The following GPT2 variants were observed in gnomAD, a reference collection of about 807,000 sequenced individuals.
GPT2 encodes alanine aminotransferase 2.
Under a neutral mutation model 56.9 loss-of-function variants are expected in GPT2, and 30 were observed. The ratio of observed to expected loss-of-function variants is 0.53; its 90% CI spans 0.39 to 0.72. The LOEUF (loss-of-function observed/expected upper bound fraction) is 0.72. GPT2 is among the 30% of genes least tolerant of loss of function. The pLI is 0.00. For missense variants in GPT2, 542 were observed against 703.4 expected, an observed-to-expected ratio of 0.77 and a Z score of 2.60; for synonymous variants, 271 against 283.1, an observed-to-expected ratio of 0.96 and a Z score of 0.43.
chr16:46,898,978 ATAT>A (rs1960753221), intron 3 of GPT2, among the ~76,000 whole-genome samples: 1 of 6,810 alleles, frequency 1.5e-4, no homozygotes, highest in South Asian at 0.1. Context: ...ACACACACAT[ATAT>A]ATATATATAT....
chr16:46,884,608 A>G, intron 1 of GPT2, 86 bp from the exon 2 acceptor site: 1 of 1,265,350 alleles, frequency 7.9e-7, no homozygotes, highest in South Asian at 3.2e-5. Context: ...GCTCGCTGAA[A>G]GAGCCCTTGG....
rs1253570994 is a variant in GPT2, at chr16:46,929,011, C to T, written c.*14C>T. 1 of 1,604,958 alleles carries T rather than the reference C, an allele frequency of 6.2e-7. No homozygotes were observed. Among genetic ancestry groups the T allele is most frequent in the Non-Finnish European group, 8.5e-7 (1 of 1,171,664 alleles). Reference sequence around the variant, plus strand: ...AAGTACGCGTGAGGACGCCTGAGCCCCAGCGGGAGACCTGTCCTTGGCTCT... The same window carrying T: ...AAGTACGCGTGAGGACGCCTGAGCCTCAGCGGGAGACCTGTCCTTGGCTCT... On this transcript the variant is annotated 3_prime_UTR_variant, in exon 12 of 12. Coordinates refer to ENST00000340124, the MANE Select transcript of GPT2 (RefSeq NM_133443.4).
In GPT2 at chr16:46,918,771, C is replaced by T. The variant is rs567399130; in HGVS notation, c.1037+14C>T. 28 of 1,613,074 alleles carry T rather than the reference C, an allele frequency of 1.7e-5. No individual in the cohort carries two copies. In the East Asian group the frequency reaches 5.1e-4, roughly 30 times the overall value. On this transcript the variant is annotated intron_variant, in intron 8 of 11. Transcript: ENST00000340124. ...CTACATGGGCGAGTACGTGGGCCTC[C>T]CTTCCCTCTGCCACTGCTGGGCCTG...
At chr16:46,885,726 T>A in intron 2 of GPT2, 1 of 175,362 alleles carries the variant, frequency 5.7e-6, no homozygotes, top group Non-Finnish European at 1.1e-5. Context: ...GATTTCTGCC[T>A]CCCCACAACC....
chr16:46,916,430 A>G (rs1001373249), intron 6 of GPT2, 198 bp from the exon 7 acceptor site: 3 of 582,318 alleles, frequency 5.2e-6, no homozygotes, highest in African/African-American at 1.8e-5. Flanking sequence ...TCAGACACAC[A>G]GGCTGCTCTT....
chr16:46,914,166 T>A lies in GPT2; in HGVS notation c.821-2462T>A, dbSNP rs1396196569. Among the ~76,000 whole-genome samples the A allele has an allele frequency of 3.3e-5, 5 of 152,320 alleles. No individual in the cohort carries two copies. In the East Asian group the frequency reaches 9.6e-4, roughly 29 times the overall value. On this transcript the variant is annotated intron_variant, in intron 6 of 11. Coordinates refer to ENST00000340124, the MANE Select transcript of GPT2 (RefSeq NM_133443.4). ...AAGGTCCCATTTCTACCTCGTTGCG[T>A]TTACTCCTTCCCTCACCTGTACCCA... is the stretch of plus-strand genomic sequence containing the variant.
At chr16:46,885,237 C>T in intron 2 of GPT2, 1 of 1,202,994 alleles carries the variant, frequency 8.3e-7, no homozygotes, top group African/African-American at 1.6e-5. Flanking sequence ...TGTGTGTCTG[C>T]CCTACTCTCG....
chr16:46,884,976 C>G lies in GPT2; in HGVS notation c.243+18C>G. 6.8e-7 allele frequency: 1 copy of G among 1,465,640 alleles called. No homozygotes were observed. The highest frequency in any genetic ancestry group is 2.8e-5 in the East Asian group (1 of 35,294). 90.8% of individuals were successfully genotyped at this position (1,465,640 alleles called of 1,614,324 possible). Reference sequence around the variant, plus strand: ...TGCAGCGGGTGAGCGCGCGCTGGGCCCCGGGGAGGCTGGGGCCGCTGAGCA... The same window carrying G: ...TGCAGCGGGTGAGCGCGCGCTGGGCGCCGGGGAGGCTGGGGCCGCTGAGCA... On this transcript the variant is annotated intron_variant, in intron 2 of 11. Transcript: ENST00000340124.
chr16:46,900,148 T>G (rs577432308), intron 3 of GPT2, among the ~76,000 whole-genome samples: 1 of 152,276 alleles, frequency 6.6e-6, no homozygotes, highest in East Asian at 1.9e-4. Flanking sequence ...ATTTGCTTGC[T>G]TAATCCTCTT....
chr16:46,912,890 C>T (rs1041529326), intron 6 of GPT2, among the ~76,000 whole-genome samples: 2 of 152,186 alleles, frequency 1.3e-5, no homozygotes, highest in South Asian at 2.1e-4. Context: ...CGTGAACAGT[C>T]GTGATCTGTC....
At chr16:46,893,240 C>G (rs1232860483) in intron 2 of GPT2, among the ~76,000 whole-genome samples, 2 of 152,244 alleles carry the variant, frequency 1.3e-5, no homozygotes, top group African/African-American at 4.8e-5. Context: ...ACACCATTCT[C>G]CTACCTCAGC....
At chr16:46,925,014 T>C (rs1222285549) in intron 10 of GPT2, among the ~76,000 whole-genome samples, 2 of 151,910 alleles carry the variant, frequency 1.3e-5, no homozygotes, top group Non-Finnish European at 2.9e-5. Flanking sequence ...CTCCTGCCTC[T>C]GCCTCCCTAA....
chr16:46,906,090 TA>T (rs900620928), intron 4 of GPT2, among the ~76,000 whole-genome samples: 2 of 152,078 alleles, frequency 1.3e-5, no homozygotes, highest in African/African-American at 4.8e-5. Flanking sequence ...TATTTTTATT[TA>T]TTTTTTTGAG....
At chr16:46,907,113 G>A in intron 5 of GPT2, 138 bp downstream of exon 5, 3 of 1,084,782 alleles carry the variant, frequency 2.8e-6, no homozygotes, top group Non-Finnish European at 4.1e-6. Flanking sequence ...CCCAGCCCTG[G>A]CAGCCTGCAG....
chr16:46,924,018 C>T, intron 9 of GPT2: 2 of 359,634 alleles, frequency 5.6e-6, no homozygotes, highest in South Asian at 2.2e-5. Flanking sequence ...TCTGTGTGCC[C>T]CACACCCCAG....
chr16:46,902,775 G>A (rs1486718456), intron 4 of GPT2, among the ~76,000 whole-genome samples: 11 of 151,984 alleles, frequency 7.2e-5, no homozygotes, highest in African/African-American at 1.9e-4. Flanking sequence ...ACAGGCACGC[G>A]CCACCACGCC....
chr16:46,898,199 C>A (rs1209103096), intron 3 of GPT2, among the ~76,000 whole-genome samples: 2 of 152,148 alleles, frequency 1.3e-5, no homozygotes, highest in African/African-American at 4.8e-5. Flanking sequence ...GGCAGAGCGC[C>A]GCCTCGGGAG....
intron 3 of GPT2, among the ~76,000 whole-genome samples, chr16:46,898,982 A>ATC (rs1318713421): frequency 7.4e-6 from 1 of 135,490 alleles, no homozygotes; most frequent in Non-Finnish European, 1.6e-5. Flanking sequence ...ACACATATAT[A>ATC]TATATATATA....
At chr16:46,924,356 A>G in intron 9 of GPT2, 33 bp from the exon 10 acceptor site, 1 of 1,612,252 alleles carries the variant, frequency 6.2e-7, no homozygotes, top group East Asian at 2.2e-5. Context: ...ATCCAGAGAT[A>G]CTGACTGCTG....
Sources: gnomAD v4.1 joint callset for allele counts (sites outside exome capture counted in the v4.1 genomes callset) on GRCh38, gnomAD v4.1.1 for gene constraint, MANE v1.5 for transcripts, NCBI Gene and HGNC (gene_info 2026-07-23, HGNC 2026-07-21) for gene names.